Variants in PREPL observed in about 807,000 individuals in gnomAD.
PREPL encodes the protein prolyl endopeptidase like, also known as prolyl endopeptidase-like.
Under a neutral mutation model 70.6 loss-of-function variants are expected in PREPL, and 77 were observed. That is an observed-to-expected ratio of 1.09 (90% confidence interval 0.91 to 1.32). The LOEUF (loss-of-function observed/expected upper bound fraction) is 1.32, where lower values mean the gene tolerates loss of function less well. Ranked by LOEUF, PREPL falls within the 40% of genes most tolerant of loss-of-function variation. The pLI is 0.00. For missense variants in PREPL, 1,002 were observed against 778.2 expected (o/e 1.29, Z -3.42); for synonymous variants, 315 against 264.8 (o/e 1.19, Z -1.84).
intron 2 of PREPL, among the ~76,000 whole-genome samples, chr2:44,345,669 CTA>C: frequency 6.6e-6 from 1 of 152,112 alleles, no homozygotes; most frequent in South Asian, 2.1e-4. Flanking sequence ...TTTCGACTGA[CTA>C]TTTATGACTG....
intron 8 of PREPL, 104 bp from the exon 9 acceptor site, chr2:44,329,216 A>C: frequency 1.1e-6 from 1 of 895,662 alleles, no homozygotes; most frequent in Non-Finnish European, 1.7e-6. Context: ...CTTGTGTGCT[A>C]CCTACTGATG....
At chr2:44,359,958 G>C (rs1207476362) in intron 1 of PREPL, 1 of 459,282 alleles carries the variant, frequency 2.2e-6, no homozygotes, top group Non-Finnish European at 3.9e-6. Context: ...TGGCAGATGT[G>C]ACTTAAATGT....
At chr2:44,331,428 C>G (rs991789339) in intron 8 of PREPL, among the ~76,000 whole-genome samples, 2 of 152,022 alleles carry the variant, frequency 1.3e-5, no homozygotes, top group Non-Finnish European at 2.9e-5. Flanking sequence ...ATTGGCCAGG[C>G]TGGTCTCGAC....
intron 1 of PREPL, among the ~76,000 whole-genome samples, chr2:44,357,307 A>T (rs1677155730): frequency 6.6e-6 from 1 of 152,178 alleles, no homozygotes; most frequent in Non-Finnish European, 1.5e-5. Context: ...CTACTTTATT[A>T]CACCCTATAA....
In PREPL at chr2:44,320,034, A is replaced by G; in HGVS notation, c.*1322T>C. On this transcript the variant is annotated 3_prime_UTR_variant, in exon 14 of 14. Transcript: ENST00000409411. Reference sequence around the variant, plus strand: ...GAATTTGTCATTTCTATCAGTTTTTATATAAATTGTTCTTACCTACTTATT... The same window carrying G: ...GAATTTGTCATTTCTATCAGTTTTTGTATAAATTGTTCTTACCTACTTATT... The G allele has an allele frequency of 1.6e-6, 1 of 620,600 alleles. No homozygotes were observed. The highest frequency in any genetic ancestry group is 2.0e-5 in the South Asian group (1 of 49,720). 38.4% of individuals were successfully genotyped at this position (620,600 alleles called of 1,614,324 possible). A position where few individuals can be genotyped will look rare whatever the true frequency, so the allele number is the denominator to read the frequency against.
chr2:44,354,797 G>C (rs1305841907), intron 1 of PREPL, among the ~76,000 whole-genome samples: 2 of 152,120 alleles, frequency 1.3e-5, no homozygotes, highest in Non-Finnish European at 2.9e-5. Context: ...GGCTGGTCTT[G>C]AACTTCTGAC....
intron 12 of PREPL, 141 bp downstream of exon 12, chr2:44,322,590 G>A: frequency 3.7e-6 from 4 of 1,095,120 alleles, no homozygotes; most frequent in Non-Finnish European, 5.2e-6. Context: ...CTTTAACTGG[G>A]GAGTCAACAT....
At chr2:44,358,500 T>A (rs924906789) in intron 1 of PREPL, among the ~76,000 whole-genome samples, 5 of 151,820 alleles carry the variant, frequency 3.3e-5, no homozygotes, top group African/African-American at 4.8e-5. Context: ...AAGTAAAAGG[T>A]AGGAGAGGGA....
At chr2:44,327,234 A>T (rs1221902311) in intron 9 of PREPL, among the ~76,000 whole-genome samples, 3 of 152,214 alleles carry the variant, frequency 2.0e-5, no homozygotes, top group African/African-American at 7.2e-5. Context: ...TTAAGTACAG[A>T]CCTTAAAAGT....
Position 44,338,302 on chromosome 2 carries a change from T to C in PREPL, c.888+49A>G, listed in dbSNP as rs141618060. On this transcript the variant is annotated intron_variant, in intron 7 of 13. Transcript: ENST00000409411. ...AATGTGATGTTCTGTTAAGCTAAAC[T>C]GCATAAATATTTTGATTAACAGTAT... is the stretch of plus-strand genomic sequence containing the variant. 276 of 1,487,440 alleles carry C rather than the reference T, an allele frequency of 1.9e-4. 2 individuals carry two copies. In the African/African-American group the frequency reaches 3.6e-3, roughly 20 times the overall value. 92.1% of individuals were successfully genotyped at this position (1,487,440 alleles called of 1,614,324 possible).
intron 5 of PREPL, among the ~76,000 whole-genome samples, chr2:44,341,499 TGTTTGCTTA>T (rs1675217624): frequency 1.3e-5 from 2 of 152,120 alleles, no homozygotes. Flanking sequence ...TATATATTTT[TGTTTGCTTA>T]GTTTGGTGAT....
At chr2:44,344,688 A>G in intron 2 of PREPL, 102 bp from the exon 3 acceptor site, 1 of 808,696 alleles carries the variant, frequency 1.2e-6, no homozygotes, top group Non-Finnish European at 1.9e-6. Context: ...TATAAAAAAC[A>G]GACCTGTTGA....
chr2:44,346,574 C>T (rs1389404156), intron 1 of PREPL, among the ~76,000 whole-genome samples, 184 bp from the exon 2 acceptor site: 5 of 151,816 alleles, frequency 3.3e-5, no homozygotes, highest in African/African-American at 1.2e-4. Flanking sequence ...TGATCTTTTT[C>T]GTTAAAAAAA....
chr2:44,344,603 G>A lies in PREPL; in HGVS notation c.76-17C>T. ...ATGTTTAACCTGACAAAAGAAACAT[G>A]CAGTTTACTTAATAATAATTTAATT... On this transcript the variant is annotated splice_polypyrimidine_tract_variant and intron_variant, in intron 2 of 13. Coordinates refer to ENST00000409411, the MANE Select transcript of PREPL (RefSeq NM_001171613.2). 7 of 1,561,694 alleles carry A rather than the reference G, an allele frequency of 4.5e-6. No individual in the cohort carries two copies. Among genetic ancestry groups the A allele is most frequent in the Non-Finnish European group, 6.1e-6 (7 of 1,147,100 alleles).
chr2:44,358,485 A>T (rs138739660), intron 1 of PREPL, among the ~76,000 whole-genome samples: 1 of 152,220 alleles, frequency 6.6e-6, no homozygotes, highest in African/African-American at 2.4e-5. Flanking sequence ...CCTAAGGAAC[A>T]TAAGAAGTAA....
rs144930622 is a variant in PREPL, at chr2:44,317,786, T to A, written c.*3570A>T. On this transcript the variant is annotated 3_prime_UTR_variant, in exon 14 of 14. Coordinates refer to ENST00000409411, the MANE Select transcript of PREPL (RefSeq NM_001171613.2). ...CTTAATAGAAAAAAACCCTAAACAA[T>A]AGTATAACTACAAATAAAATAGGGC... The A allele has an allele frequency of 6.5e-6, 1 of 154,530 alleles. No individual in the cohort carries two copies. Among genetic ancestry groups the A allele is most frequent in the Non-Finnish European group, 1.4e-5 (1 of 69,600 alleles). The allele number at this position is 154,530 out of a possible 1,614,324, so 9.6% of individuals were successfully genotyped here. A position where few individuals can be genotyped will look rare whatever the true frequency, so the allele number is the denominator to read the frequency against.
Position 44,318,126 on chromosome 2 carries a change from C to A in PREPL, c.*3230G>T, listed in dbSNP as rs568044192. The stretch of plus-strand genomic sequence containing the variant: ...TTTTTTTTTTGAGACAGTCTTGCTC[C>A]GTCACCCATGCTCGAGTGCAGTGGC... On this transcript the variant is annotated 3_prime_UTR_variant, in exon 14 of 14. Coordinates refer to ENST00000409411, the MANE Select transcript of PREPL (RefSeq NM_001171613.2). 1.2e-4 allele frequency: 55 copies of A among 443,434 alleles called. No individual in the cohort carries two copies. In the East Asian group the frequency reaches 3.8e-3, roughly 31 times the overall value. The allele number at this position is 443,434 out of a possible 1,614,324, so 27.5% of individuals were successfully genotyped here. A position where few individuals can be genotyped will look rare whatever the true frequency, so the allele number is the denominator to read the frequency against.
chr2:44,320,086 G>T lies in PREPL; in HGVS notation c.*1270C>A. The T allele has an allele frequency of 1.1e-6, 1 of 891,764 alleles. No individual in the cohort carries two copies. Among genetic ancestry groups the T allele is most frequent in the Non-Finnish European group, 1.7e-6 (1 of 585,800 alleles). The allele number at this position is 891,764 out of a possible 1,614,324, so 55.2% of individuals were successfully genotyped here. ...ATGCTTACAATTTGGCAATTATAAG[G>T]GGCAAAATTGGAGCAAGTGTTTTGG... On this transcript the variant is annotated 3_prime_UTR_variant, in exon 14 of 14. Coordinates refer to ENST00000409411, the MANE Select transcript of PREPL (RefSeq NM_001171613.2).
At chr2:44,355,827 C>G (rs962620059) in intron 1 of PREPL, among the ~76,000 whole-genome samples, 1 of 150,460 alleles carries the variant, frequency 6.6e-6, no homozygotes, top group Non-Finnish European at 1.5e-5. Flanking sequence ...AGCTGCTAAC[C>G]TGTATTGTAG....
Sources: gnomAD v4.1 joint callset for allele counts (sites outside exome capture counted in the v4.1 genomes callset) on GRCh38, gnomAD v4.1.1 for gene constraint, MANE v1.5 for transcripts, NCBI Gene and HGNC (gene_info 2026-07-23, HGNC 2026-07-21) for gene names.